PIGG: variants seen among roughly 807,000 people sequenced by gnomAD.
PIGG encodes GPI ethanolamine phosphate transferase 2, catalytic subunit.
Under a neutral mutation model 83.2 loss-of-function variants are expected in PIGG, and 70 were observed. The observed-to-expected ratio is 0.84, with a 90% CI of 0.69 to 1.03. The LOEUF is 1.03. PIGG is among the 50% of genes least tolerant of loss of function. The probability of loss-of-function intolerance (pLI) is 0.00; values close to 1 mark genes in which losing one functional copy is unlikely to be tolerated. For missense variants in PIGG, 1,257 were observed against 1,233.6 expected, an observed-to-expected ratio of 1.02 and a Z score of -0.28; for synonymous variants, 532 against 519.5, an observed-to-expected ratio of 1.02 and a Z score of -0.33.
chr4:522,764 C>T (rs1341099873), intron 8 of PIGG: 1 of 153,720 alleles, frequency 6.5e-6, no homozygotes, highest in African/African-American at 2.4e-5. Context: ...CTCATGCTCT[C>T]TCTCCTGCTA....
chr4:534,482 A>G (rs537113347), intron 12 of PIGG, among the ~76,000 whole-genome samples: 2 of 152,334 alleles, frequency 1.3e-5, no homozygotes, highest in African/African-American at 4.8e-5. Flanking sequence ...AGCTAGGGGC[A>G]TGTCCCTTCC....
intron 2 of PIGG, chr4:501,921 G>C (rs1360972745): frequency 1.3e-5 from 2 of 152,222 alleles, no homozygotes; most frequent in Admixed American, 6.5e-5. Flanking sequence ...GGAATGGAGA[G>C]GGAGGTGAGA....
At chr4:500,261 G>A (rs1717151190) in intron 1 of PIGG, 135 bp from the exon 2 acceptor site, 1 of 656,750 alleles carries the variant, frequency 1.5e-6, no homozygotes. Flanking sequence ...AGTACAAGTC[G>A]CCTCCTTTTG....
intron 4 of PIGG, 47 bp downstream of exon 4, chr4:507,640 A>G: frequency 6.7e-7 from 1 of 1,497,638 alleles, no homozygotes; most frequent in Non-Finnish European, 9.1e-7. Flanking sequence ...TTTCACGTGG[A>G]TGTTCCCTAG....
intron 11 of PIGG, 87 bp downstream of exon 11, chr4:530,832 T>A: frequency 1.1e-6 from 1 of 927,030 alleles, no homozygotes; most frequent in Non-Finnish European, 1.7e-6. Flanking sequence ...TTCCCATAAG[T>A]TGGAAAGTGA....
chr4:499,830 C>CT, intron 1 of PIGG: 1 of 763,884 alleles, frequency 1.3e-6, no homozygotes, highest in Non-Finnish European at 1.7e-6. Context: ...TATAGGCGCC[C>CT]TTTTTGCCCC....
chr4:512,680 T>C (rs1226509215), intron 5 of PIGG, among the ~76,000 whole-genome samples: 1 of 151,474 alleles, frequency 6.6e-6, no homozygotes, highest in Non-Finnish European at 1.5e-5. Context: ...CCAGATGTGG[T>C]GGTGGGCGCC....
rs1339717501 is a variant in PIGG, at chr4:500,443, G to C, written c.202G>C (p.Val68Leu). Residue 68 changes from valine (V) to leucine (L), a missense_variant, in exon 2 of 13, where the codon GTT becomes CTT. Transcript: ENST00000453061. ...GCTGCCACCACCTCTCTTCAGTAAA[G>C]TTGTTATTGTTCTGATAGATGCCTT... ...TTLPPPLFSKVVIVLIDALRD... is the reference protein window; with the variant it reads ...TTLPPPLFSKLVIVLIDALRD... 6.2e-7 allele frequency: 1 copy of C among 1,613,958 alleles called. No individual in the cohort carries two copies. Among genetic ancestry groups the C allele is most frequent in the Non-Finnish European group, 8.5e-7 (1 of 1,179,952 alleles).
chr4:505,151 G>A (rs1034443305), intron 2 of PIGG, among the ~76,000 whole-genome samples: 2 of 151,996 alleles, frequency 1.3e-5, no homozygotes, highest in African/African-American at 2.4e-5. Flanking sequence ...CAGCTACATC[G>A]CAAACCCATA....
chr4:534,106 C>A (rs952714456), intron 12 of PIGG, 125 bp downstream of exon 12: 1 of 813,636 alleles, frequency 1.2e-6, no homozygotes. Context: ...CAACAGTTTT[C>A]TTTTCCTTAA....
Position 539,797 on chromosome 4 carries a change from T to C in PIGG, c.*428T>C, listed in dbSNP as rs1447863825. On this transcript the variant is annotated 3_prime_UTR_variant, in exon 13 of 13. Transcript: ENST00000453061. ...GTTACATGTATCAGTGTTTATGGCA[T>C]TTGAGATGAAAACTAAGATAAAAAA... 6.4e-6 allele frequency: 1 copy of C among 155,040 alleles called. No homozygotes were observed. Among genetic ancestry groups the C allele is most frequent in the African/African-American group, 2.4e-5 (1 of 41,560 alleles). 9.6% of individuals were successfully genotyped at this position (155,040 alleles called of 1,614,324 possible).
In PIGG at chr4:540,073, AAG is replaced by A. The variant is rs1731656241; in HGVS notation, c.*707_*708del. 6.6e-6 allele frequency: 1 copy of A among 152,236 alleles called. No individual in the cohort carries two copies. Among genetic ancestry groups the A allele is most frequent in the African/African-American group, 2.4e-5 (1 of 41,442 alleles). The allele number at this position is 152,236 out of a possible 1,614,324, so 9.4% of individuals were successfully genotyped here. On this transcript the variant is annotated 3_prime_UTR_variant, in exon 13 of 13. Coordinates refer to ENST00000453061, the MANE Select transcript of PIGG (RefSeq NM_001127178.3). ...TCCCAGCTACTCAGGTGGCTGAGGAAAGAGTATTGTTTCAGCCGAGTTCAAGG... is the reference window on the plus strand; with the variant it reads ...TCCCAGCTACTCAGGTGGCTGAGGAAAGTATTGTTTCAGCCGAGTTCAAGG...
At chr4:509,812 A>C (rs1721266099) in intron 5 of PIGG, among the ~76,000 whole-genome samples, 1 of 152,094 alleles carries the variant, frequency 6.6e-6, no homozygotes, top group South Asian at 2.1e-4. Flanking sequence ...TGTGGTTGTA[A>C]ATGCCGTGGA....
rs754820880 is a variant in PIGG at position 533,955 on chromosome 4, G to C, written c.2709G>C (p.Val903=). The C allele has an allele frequency of 2.5e-6, 4 of 1,614,072 alleles. No homozygotes were observed. The highest frequency in any genetic ancestry group is 1.3e-5 in the African/African-American group (1 of 74,944). Residue 903 remains valine, a synonymous_variant, in exon 12 of 13, where the codon GTG becomes GTC. Transcript: ENST00000453061. ...AGPVLWASHL[V]HFLSSETRSG... ...CTGTGCTGTGGGCCAGCCACTTAGTGCACTTCCTGAGCTCAGAAACACGCA... is the reference window on the plus strand; with the variant it reads ...CTGTGCTGTGGGCCAGCCACTTAGTCCACTTCCTGAGCTCAGAAACACGCA...
chr4:532,420 G>A (rs1729282329), intron 11 of PIGG: 2 of 152,368 alleles, frequency 1.3e-5, no homozygotes, highest in Non-Finnish European at 2.9e-5. Context: ...CACCCTCCAG[G>A]GTCTCCTACT....
Position 521,242 on chromosome 4 carries a change from C to A in PIGG, c.1301C>A (p.Ser434Ter), listed in dbSNP as rs1361335693. 6.2e-7 allele frequency: 1 copy of A among 1,613,804 alleles called. No homozygotes were observed. Among genetic ancestry groups the A allele is most frequent in the Admixed American group, 1.7e-5 (1 of 60,006 alleles). The change falls in exon 7 of 13, where the codon TCG (serine) becomes TAG (stop). Residue 434 changes from serine to a stop codon, truncating the protein, a stop_gained. Transcript: ENST00000453061. LOFTEE classifies it high-confidence loss of function. ...SAQVAQYDIYSMMVGTVVVLE... is the reference protein window; with the variant it reads ...SAQVAQYDIY ...CAAGTGGCCCAGTACGACATCTATT[C>A]GATGATGGTGGGGACTGTCGTGGTT...
chr4:521,651 CTG>C lies in PIGG; in HGVS notation c.1333-7_1333-6del. The C allele has an allele frequency of 1.2e-6, 2 of 1,611,506 alleles. No individual in the cohort carries two copies. The highest frequency in any genetic ancestry group is 1.7e-6 in the Non-Finnish European group (2 of 1,177,892). The stretch of plus-strand genomic sequence containing the variant: ...GCAGTCTGTGGATGCTGCTGTTTCT[CTG>C]TTCCAGGTTCTCACCCTGCTCCTGC... On this transcript the variant is annotated splice_region_variant and splice_polypyrimidine_tract_variant and intron_variant, in intron 7 of 12. Coordinates refer to ENST00000453061, the MANE Select transcript of PIGG (RefSeq NM_001127178.3).
intron 12 of PIGG, among the ~76,000 whole-genome samples, chr4:535,629 C>T (rs1730374577): frequency 6.6e-6 from 1 of 152,190 alleles, no homozygotes; most frequent in Non-Finnish European, 1.5e-5. Flanking sequence ...CTCCTACGTC[C>T]TCCCATGACT....
At chr4:506,096 A>C (rs1020268775) in intron 3 of PIGG, among the ~76,000 whole-genome samples, 169 bp downstream of exon 3, 2 of 152,004 alleles carry the variant, frequency 1.3e-5, no homozygotes, top group African/African-American at 4.8e-5. Context: ...TCAGTTAACA[A>C]CCCAGAAATA....
Sources: allele counts gnomAD v4.1 joint callset (sites outside exome capture counted in the v4.1 genomes callset), GRCh38; gene constraint gnomAD v4.1.1; transcripts MANE v1.5; gene names NCBI Gene and HGNC (gene_info 2026-07-23, HGNC 2026-07-21).